The following TAFA1 variants were observed in gnomAD, a reference collection of about 807,000 sequenced individuals.
TAFA1 encodes the protein TAFA chemokine like family member 1.
In TAFA1, 4 loss-of-function variants were observed where a neutral mutation model predicts 18.5. That is an observed-to-expected ratio of 0.22 (90% CI 0.11 to 0.49). The LOEUF is 0.49. Among genes scored for constraint, TAFA1 ranks in the 20% least tolerant of loss-of-function variants. The pLI, the probability that TAFA1 is intolerant of heterozygous loss-of-function variation, is 0.98. For missense variants in TAFA1, 147 were observed against 169.0 expected (o/e 0.87, Z 0.72); for synonymous variants, 56 against 55.2 (o/e 1.01, Z -0.06).
intron 2 of TAFA1, among the ~76,000 whole-genome samples, chr3:68,214,033 A>G (rs1311796071): frequency 6.6e-6 from 1 of 152,136 alleles, no homozygotes; most frequent in Non-Finnish European, 1.5e-5. Context: ...TGTCTACTGC[A>G]GTATGCCACT....
intron 3 of TAFA1, among the ~76,000 whole-genome samples, chr3:68,490,811 A>G (rs1471342150): frequency 6.6e-6 from 1 of 151,626 alleles, no homozygotes; most frequent in Non-Finnish European, 1.5e-5. Context: ...AAAGTTATTT[A>G]GAATCCTCTA....
chr3:68,081,014 T>G lies in TAFA1; in HGVS notation c.118+74270T>G, dbSNP rs1164256315. On this transcript the variant is annotated intron_variant, in intron 2 of 4. Coordinates refer to ENST00000478136, the MANE Select transcript of TAFA1 (RefSeq NM_213609.4). ...TTTCTTGGAGGCTTTGCTCATTTCT[T>G]TTTATTCTTTTTTCTCTAAACTTCC... Among the ~76,000 whole-genome samples, 6 of 152,186 alleles carry G rather than the reference T, an allele frequency of 3.9e-5. No individual in the cohort carries two copies. The South Asian group carries it at 1.2e-3, about 32-fold the overall frequency.
chr3:68,280,304 C>T lies in TAFA1; in HGVS notation c.119-136976C>T, dbSNP rs75346138. Among the ~76,000 whole-genome samples the T allele has an allele frequency of 9.4e-3, 1,436 of 152,288 alleles. 26 individuals carry two copies. The highest frequency in any genetic ancestry group is 0.032 in the African/African-American group (1,310 of 41,548). ...TCAATGGTCAATACTCTGCTCACCACAACTCATTCTTTCAATACCATTGAT... is the reference window on the plus strand; with the variant it reads ...TCAATGGTCAATACTCTGCTCACCATAACTCATTCTTTCAATACCATTGAT... On this transcript the variant is annotated intron_variant, in intron 2 of 4. Coordinates refer to ENST00000478136, the MANE Select transcript of TAFA1 (RefSeq NM_213609.4).
chr3:68,520,960 A>G (rs1415802057), intron 3 of TAFA1, among the ~76,000 whole-genome samples: 2 of 152,224 alleles, frequency 1.3e-5, no homozygotes, highest in African/African-American at 2.4e-5. Context: ...AGTGTAGCAT[A>G]GGATTGTGTT....
chr3:68,417,869 A>G (rs1000911677), intron 3 of TAFA1, among the ~76,000 whole-genome samples: 49 of 152,156 alleles, frequency 3.2e-4, no homozygotes, highest in African/African-American at 1.1e-3. Context: ...CAAGTCTTAC[A>G]TGGCCAGGAA....
intron 2 of TAFA1, among the ~76,000 whole-genome samples, chr3:68,397,118 G>A (rs72628613): frequency 0.025 from 3,849 of 152,156 alleles, 74 homozygotes; most frequent in East Asian, 0.092. Context: ...GACTGTTCTC[G>A]TGAGGATCTT....
Position 68,282,951 on chromosome 3 carries a change from G to A in TAFA1, c.119-134329G>A, listed in dbSNP as rs2067924008. On this transcript the variant is annotated intron_variant, in intron 2 of 4. Transcript: ENST00000478136. ...GGTCCTGAATTATACTAGGGTTTGGGGTACATATCTTAAATTTCTCTGAAA... is the reference window on the plus strand; with the variant it reads ...GGTCCTGAATTATACTAGGGTTTGGAGTACATATCTTAAATTTCTCTGAAA... Among the ~76,000 whole-genome samples, 3 of 151,846 alleles carry A rather than the reference G, an allele frequency of 2.0e-5. 1 individual carries two copies. In the South Asian group the frequency reaches 6.2e-4, roughly 32 times the overall value.
At chr3:68,330,309 G>A (rs977206480) in intron 2 of TAFA1, among the ~76,000 whole-genome samples, 2 of 152,142 alleles carry the variant, frequency 1.3e-5, no homozygotes, top group Non-Finnish European at 2.9e-5. Flanking sequence ...TGTGATTGAG[G>A]CCTCTATTAA....
intron 2 of TAFA1, among the ~76,000 whole-genome samples, chr3:68,081,968 C>G (rs1010721190): frequency 1.3e-5 from 2 of 152,226 alleles, no homozygotes; most frequent in African/African-American, 4.8e-5. Flanking sequence ...CAGTGAGACT[C>G]CATGGGCGTA....
intron 2 of TAFA1, among the ~76,000 whole-genome samples, chr3:68,382,012 G>A (rs191998854): frequency 1.3e-4 from 20 of 152,236 alleles, no homozygotes; most frequent in African/African-American, 4.3e-4. Context: ...GGCCTTTTCT[G>A]CCTTTCTATC....
At chr3:68,539,285 C>G (rs1022454351) in intron 4 of TAFA1, among the ~76,000 whole-genome samples, 1 of 152,126 alleles carries the variant, frequency 6.6e-6, no homozygotes, top group African/African-American at 2.4e-5. Flanking sequence ...TTCTAATGTT[C>G]TTTAAAAGAG....
At chr3:68,123,244 G>A (rs1051892911) in intron 2 of TAFA1, among the ~76,000 whole-genome samples, 7 of 152,156 alleles carry the variant, frequency 4.6e-5, no homozygotes, top group African/African-American at 1.7e-4. Context: ...GGGAGAAGGG[G>A]CGACAGGAGC....
intron 2 of TAFA1, among the ~76,000 whole-genome samples, chr3:68,244,859 G>A (rs572535408): frequency 6.6e-6 from 1 of 152,256 alleles, no homozygotes; most frequent in South Asian, 2.1e-4. Flanking sequence ...CAACATTTTA[G>A]AAATATGGAA....
intron 3 of TAFA1, among the ~76,000 whole-genome samples, chr3:68,431,689 A>AAC (rs2071175575): frequency 6.6e-6 from 1 of 152,056 alleles, no homozygotes. Flanking sequence ...TGTGACTTGG[A>AAC]ACACACAGAG....
At chr3:68,089,218 C>T (rs2065004648) in intron 2 of TAFA1, among the ~76,000 whole-genome samples, 1 of 152,128 alleles carries the variant, frequency 6.6e-6, no homozygotes, top group South Asian at 2.1e-4. Flanking sequence ...TCAGTATTGG[C>T]TAAGTGATCG....
chr3:68,077,809 T>G (rs1004885630), intron 2 of TAFA1, among the ~76,000 whole-genome samples: 1 of 151,956 alleles, frequency 6.6e-6, no homozygotes, highest in South Asian at 2.1e-4. Flanking sequence ...TTTGGTTCCA[T>G]ATGAACTTTA....
chr3:68,104,094 T>G (rs1443603478), intron 2 of TAFA1, among the ~76,000 whole-genome samples: 1 of 152,184 alleles, frequency 6.6e-6, no homozygotes, highest in Non-Finnish European at 1.5e-5. Context: ...TGTATAATAA[T>G]TAGTCTTTAC....
chr3:68,265,246 A>T (rs1428988487), intron 2 of TAFA1, among the ~76,000 whole-genome samples: 1 of 152,178 alleles, frequency 6.6e-6, no homozygotes, highest in Non-Finnish European at 1.5e-5. Context: ...AGCCATTAAC[A>T]GGTGTGGATT....
chr3:68,304,458 G>C lies in TAFA1; in HGVS notation c.119-112822G>C, dbSNP rs377557563. On this transcript the variant is annotated intron_variant, in intron 2 of 4. Coordinates refer to ENST00000478136, the MANE Select transcript of TAFA1 (RefSeq NM_213609.4). ...AGATTTTTCTAAATAATCTGAATGA[G>C]GGGTGTGATTTGAATCTGTATCATG... 3.3e-5 allele frequency among the ~76,000 whole-genome samples: 5 copies of C among 152,134 alleles called. No individual in the cohort carries two copies. The East Asian group carries it at 7.7e-4, about 23-fold the overall frequency.
Sources: gnomAD v4.1 joint callset for allele counts (sites outside exome capture counted in the v4.1 genomes callset) on GRCh38, gnomAD v4.1.1 for gene constraint, MANE v1.5 for transcripts, NCBI Gene and HGNC (gene_info 2026-07-23, HGNC 2026-07-21) for gene names.